Variants in MACROD1 observed in about 807,000 individuals in gnomAD.
MACROD1 encodes the protein mono-ADP ribosylhydrolase 1.
MACROD1 carries 31 observed loss-of-function variants against 41.4 expected under a neutral mutation model. The ratio of observed to expected loss-of-function variants is 0.75; its 90% confidence interval spans 0.56 to 1.01. MACROD1 has a LOEUF of 1.01. Ranked by LOEUF, MACROD1 falls within the 50% of genes least tolerant of loss-of-function variation. MACROD1 has a pLI of 0.00. For synonymous variants in MACROD1, 252 were observed against 203.4 expected (o/e 1.24, Z -2.03); for missense variants, 473 against 460.0 (o/e 1.03, Z -0.26).
At chr11:64,003,938 C>A (rs1257928896) in intron 4 of MACROD1, among the ~76,000 whole-genome samples, 1 of 152,246 alleles carries the variant, frequency 6.6e-6, no homozygotes, top group African/African-American at 2.4e-5. Flanking sequence ...CTGCCCCCAG[C>A]GCTGACGGCT....
At chr11:64,121,590 C>T (rs1051137531) in intron 3 of MACROD1, among the ~76,000 whole-genome samples, 2 of 152,234 alleles carry the variant, frequency 1.3e-5, no homozygotes, top group Non-Finnish European at 2.9e-5. Flanking sequence ...GGCCCAGCTC[C>T]TCCCAGCTGG....
chr11:64,066,842 G>A (rs140809205), intron 3 of MACROD1, among the ~76,000 whole-genome samples: 1 of 152,306 alleles, frequency 6.6e-6, no homozygotes, highest in East Asian at 1.9e-4. Flanking sequence ...GGCTCAGACT[G>A]TGAAGCAGAT....
chr11:64,027,578 G>A (rs1943238586), intron 3 of MACROD1, among the ~76,000 whole-genome samples: 2 of 152,138 alleles, frequency 1.3e-5, no homozygotes. Context: ...CCACCCTCCT[G>A]CCCATGGGGG....
intron 3 of MACROD1, among the ~76,000 whole-genome samples, chr11:64,022,867 A>ATTTTTTTTTTT (rs922794608): frequency 1.1e-5 from 1 of 90,764 alleles, no homozygotes; most frequent in Non-Finnish European, 2.1e-5. Flanking sequence ...TTCCACATGG[A>ATTTTTTTTTTT]TTTTTTTTTT....
intron 3 of MACROD1, among the ~76,000 whole-genome samples, chr11:64,039,295 C>A (rs1943440714): frequency 6.6e-6 from 1 of 152,118 alleles, no homozygotes; most frequent in Non-Finnish European, 1.5e-5. Context: ...TGGGGACTGC[C>A]CCGGGGGTAG....
At chr11:64,145,680 G>A (rs1251456749) in intron 3 of MACROD1, among the ~76,000 whole-genome samples, 2 of 152,220 alleles carry the variant, frequency 1.3e-5, no homozygotes, top group Admixed American at 6.5e-5. Flanking sequence ...TTTGCACAAA[G>A]CCTTTCATCC....
rs754260734 is a variant in MACROD1 at position 64,015,259 on chromosome 11, G to A, written c.540C>T (p.Gly180=). 3.4e-5 allele frequency: 54 copies of A among 1,604,514 alleles called. No homozygotes were observed. The highest frequency in any genetic ancestry group is 4.5e-5 in the South Asian group (4 of 89,138). The change falls in exon 4 of 11, where the codon GGC becomes GGT. Residue 180 remains glycine, a synonymous_variant. Transcript: ENST00000255681. ...VNAANSSLLG[G]GGVDGCIHRA... is the part of the protein sequence containing the mutation. ...GACAGAAGGTCCACTCACCGCCACC[G>A]CCTCCGAGCAGGGAGCTGTTGGCTG...
intron 3 of MACROD1, among the ~76,000 whole-genome samples, chr11:64,126,422 T>C (rs547293018): frequency 1.6e-4 from 25 of 152,066 alleles, no homozygotes; most frequent in African/African-American, 5.1e-4. Flanking sequence ...TGTGGGATTC[T>C]GCTGGCTGGA....
intron 3 of MACROD1, among the ~76,000 whole-genome samples, chr11:64,113,042 C>T (rs1228632008): frequency 2.0e-5 from 3 of 152,210 alleles, no homozygotes; most frequent in Non-Finnish European, 4.4e-5. Flanking sequence ...TGACCTGCAA[C>T]CCACAGAGTG....
At position 64,068,401 on chromosome 11, in the gene MACROD1, G is replaced by A. The variant is rs368942192; in HGVS notation, c.518-53120C>T. On this transcript the variant is annotated intron_variant, in intron 3 of 10. Coordinates refer to ENST00000255681, the MANE Select transcript of MACROD1 (RefSeq NM_014067.4). The stretch of plus-strand genomic sequence containing the variant: ...CGCATGCCCTAGTAGCTGTAAAATG[G>A]AGGTATCTACTGCATTGACCTCACC... 3.2e-4 allele frequency among the ~76,000 whole-genome samples: 48 copies of A among 152,332 alleles called. No homozygotes were observed. The South Asian group carries it at 1.0e-2, about 32-fold the overall frequency.
chr11:64,018,489 G>A (rs936844608), intron 3 of MACROD1, among the ~76,000 whole-genome samples: 9 of 152,220 alleles, frequency 5.9e-5, no homozygotes, highest in African/African-American at 4.8e-5. Context: ...AGCCTAGGGA[G>A]GCTGTGCCAG....
chr11:64,066,858 AG>A (rs2134452120), intron 3 of MACROD1, among the ~76,000 whole-genome samples: 1 of 152,336 alleles, frequency 6.6e-6, no homozygotes, highest in East Asian at 1.9e-4. Flanking sequence ...CAGATGGCCA[AG>A]GTCAGGCTGC....
Position 64,151,836 on chromosome 11 carries a change from T to C in MACROD1, c.400+456A>G, listed in dbSNP as rs867099044. On this transcript the variant is annotated intron_variant, in intron 2 of 10. Transcript: ENST00000255681. The stretch of plus-strand genomic sequence containing the variant: ...AAAATTGCACTTGTTGTGTTAATAA[T>C]TGAATGAGATGGCCAGGCGCAGTTG... Among the ~76,000 whole-genome samples the C allele has an allele frequency of 1.3e-4, 20 of 152,276 alleles. 1 individual carries two copies. The highest frequency in any genetic ancestry group is 4.8e-4 in the African/African-American group (20 of 41,554).
chr11:64,089,970 A>G (rs1321842665), intron 3 of MACROD1, among the ~76,000 whole-genome samples: 1 of 152,194 alleles, frequency 6.6e-6, no homozygotes, highest in Non-Finnish European at 1.5e-5. Flanking sequence ...ATTGGATAAG[A>G]TGGCGTCTTC....
chr11:64,145,099 G>A (rs1945475387), intron 3 of MACROD1, among the ~76,000 whole-genome samples: 1 of 152,218 alleles, frequency 6.6e-6, no homozygotes, highest in South Asian at 2.1e-4. Flanking sequence ...TTGGGAGGAG[G>A]GCGGTGATAA....
At chr11:64,127,669 G>A (rs1008273106) in intron 3 of MACROD1, among the ~76,000 whole-genome samples, 17 of 152,230 alleles carry the variant, frequency 1.1e-4, no homozygotes, top group African/African-American at 3.9e-4. Flanking sequence ...AGAGCTGAAC[G>A]TAGACTCCGA....
chr11:64,008,560 C>G (rs914263532), intron 4 of MACROD1, among the ~76,000 whole-genome samples: 3 of 152,068 alleles, frequency 2.0e-5, no homozygotes, highest in Non-Finnish European at 4.4e-5. Context: ...GAGGAGCGCT[C>G]GGGCCCGGGA....
chr11:64,055,495 C>T (rs1423645917), intron 3 of MACROD1, among the ~76,000 whole-genome samples: 1 of 152,142 alleles, frequency 6.6e-6, no homozygotes, highest in African/African-American at 2.4e-5. Context: ...CTAAGTGGCT[C>T]CCCTGCCCCA....
At chr11:64,020,960 A>G (rs1410167214) in intron 3 of MACROD1, among the ~76,000 whole-genome samples, 1 of 151,724 alleles carries the variant, frequency 6.6e-6, no homozygotes, top group Non-Finnish European at 1.5e-5. Context: ...CAGGTGATCC[A>G]CCCACCTCGG....
Sources: allele counts gnomAD v4.1 joint callset (sites outside exome capture counted in the v4.1 genomes callset), GRCh38; gene constraint gnomAD v4.1.1; transcripts MANE v1.5; gene names NCBI Gene and HGNC (gene_info 2026-07-23, HGNC 2026-07-21).